The following TOPAZ1 variants were observed in gnomAD, a reference collection of about 807,000 sequenced individuals.
TOPAZ1 encodes the protein testis and ovary specific TOPAZ 1, also known as protein TOPAZ1.
In TOPAZ1, 66 loss-of-function variants were observed where a neutral mutation model predicts 172.2. The ratio of observed to expected loss-of-function variants is 0.38; its 90% CI spans 0.31 to 0.47. The LOEUF is 0.47. Ranked by LOEUF, TOPAZ1 falls within the 20% of genes least tolerant of loss-of-function variation. The pLI is 0.99. For synonymous variants in TOPAZ1, 681 were observed against 683.9 expected, an observed-to-expected ratio of 1.00 and a Z score of 0.07; for missense variants, 1,822 against 1,972.4, an observed-to-expected ratio of 0.92 and a Z score of 1.44.
chr3:44,248,568 C>T (rs1370408421), intron 2 of TOPAZ1, among the ~76,000 whole-genome samples: 3 of 152,118 alleles, frequency 2.0e-5, no homozygotes, highest in Non-Finnish European at 4.4e-5. Flanking sequence ...ACCTGATAAC[C>T]AGAGAATCTA....
intron 12 of TOPAZ1, among the ~76,000 whole-genome samples, chr3:44,298,891 T>TTTTATATATA (rs1553650038): frequency 5.8e-5 from 1 of 17,120 alleles, no homozygotes. Context: ...TGTATATATA[T>TTTTATATATA]TATATATATA....
chr3:44,280,090 T>C (rs1700006045), intron 8 of TOPAZ1, among the ~76,000 whole-genome samples: 1 of 152,130 alleles, frequency 6.6e-6, no homozygotes, highest in African/African-American at 2.4e-5. Flanking sequence ...CTTTTGCTTG[T>C]CTGGGAAAGA....
chr3:44,336,161 T>A (rs781599704), downstream of TOPAZ1, among the ~76,000 whole-genome samples: 4 of 152,230 alleles, frequency 2.6e-5, no homozygotes, highest in Non-Finnish European at 5.9e-5. Context: ...TGAAGTAGAT[T>A]GCTATCTGGG....
intron 4 of TOPAZ1, among the ~76,000 whole-genome samples, chr3:44,257,203 C>T (rs1228169312): frequency 6.6e-6 from 1 of 151,590 alleles, no homozygotes; most frequent in Non-Finnish European, 1.5e-5. Context: ...GGCGTGCTGG[C>T]ATCCACCTGT....
intron 19 of TOPAZ1, among the ~76,000 whole-genome samples, chr3:44,331,586 CA>C (rs1700670060): frequency 1.3e-5 from 2 of 152,262 alleles, no homozygotes; most frequent in East Asian, 3.9e-4. Context: ...CCTGAGCGTC[CA>C]AAGCGCTGGG....
chr3:44,307,076 G>A (rs1700344785), intron 15 of TOPAZ1, among the ~76,000 whole-genome samples: 1 of 152,130 alleles, frequency 6.6e-6, no homozygotes, highest in East Asian at 1.9e-4. Flanking sequence ...AGGCTGGAGT[G>A]CAATACTGCA....
At chr3:44,320,571 C>T (rs1259925940) in intron 16 of TOPAZ1, among the ~76,000 whole-genome samples, 1 of 152,056 alleles carries the variant, frequency 6.6e-6, no homozygotes, top group African/African-American at 2.4e-5. Flanking sequence ...GCACTGCACT[C>T]CAGCCTGGGT....
chr3:44,294,011 C>T (rs1455393743), intron 12 of TOPAZ1, among the ~76,000 whole-genome samples: 1 of 152,172 alleles, frequency 6.6e-6, no homozygotes. Flanking sequence ...GAGGCTGAGG[C>T]AGGTGGATCA....
At chr3:44,328,159 TGTAA>T (rs1417389166) in intron 18 of TOPAZ1, 87 bp from the exon 19 acceptor site, 1 of 710,128 alleles carries the variant, frequency 1.4e-6, no homozygotes, top group Non-Finnish European at 2.2e-6. Flanking sequence ...ACTTATTCTG[TGTAA>T]GTAATTATCG....
chr3:44,245,887 G>C (rs1699559603), intron 2 of TOPAZ1, among the ~76,000 whole-genome samples: 1 of 152,112 alleles, frequency 6.6e-6, no homozygotes, highest in Non-Finnish European at 1.5e-5. Flanking sequence ...CAAAAGTTAA[G>C]TTTATTTTCA....
chr3:44,244,551 G>T lies in TOPAZ1; in HGVS notation c.2045G>T (p.Gly682Val), dbSNP rs1226850089. ...VPDLVKILNT[G>V]RLTNFKIPLL... ...GACTTGGTTAAAATATTGAACACAG[G>T]ACGGCTGACTAATTTTAAAATTCCT... The change falls in exon 2 of 20, where the codon GGA becomes GTA. Residue 682 changes from glycine (G) to valine (V), a missense_variant. Transcript: ENST00000309765. 1.3e-6 allele frequency: 2 copies of T among 1,550,130 alleles called. No individual in the cohort carries two copies. Among genetic ancestry groups the T allele is most frequent in the Admixed American group, 3.9e-5 (2 of 50,732 alleles).
chr3:44,322,522 T>TAATGGTTTTTCTTTTGTCA (rs1461999956), intron 17 of TOPAZ1, among the ~76,000 whole-genome samples: 10 of 152,238 alleles, frequency 6.6e-5, no homozygotes, highest in Non-Finnish European at 1.2e-4. Flanking sequence ...CAAAGGAAGT[T>TAATGGTTTTTCTTTTGTCA]AATGGTTTTT....
intron 15 of TOPAZ1, among the ~76,000 whole-genome samples, chr3:44,307,739 T>C (rs1700351500): frequency 6.6e-6 from 1 of 152,206 alleles, no homozygotes; most frequent in Non-Finnish European, 1.5e-5. Context: ...GTCACCTGTA[T>C]ACCTACAAAA....
In TOPAZ1 at chr3:44,245,275, T is replaced by G; in HGVS notation, c.2765+4T>G. 6.6e-7 allele frequency: 1 copy of G among 1,520,736 alleles called. No homozygotes were observed. Among genetic ancestry groups the G allele is most frequent in the Non-Finnish European group, 8.8e-7 (1 of 1,135,120 alleles). 94.2% of individuals were successfully genotyped at this position (1,520,736 alleles called of 1,614,324 possible). ...AAGAACCAAGTGATGACTTAAGGTA[T>G]GCATGTTCAAGTATTCCTTTTAGTG... On this transcript the variant is annotated splice_donor_region_variant and intron_variant, in intron 2 of 19. Transcript: ENST00000309765.
intron 8 of TOPAZ1, among the ~76,000 whole-genome samples, chr3:44,276,071 T>G (rs1301176491): frequency 6.6e-6 from 1 of 152,212 alleles, no homozygotes; most frequent in East Asian, 1.9e-4. Context: ...GCTGTTGAAT[T>G]GTTTGAGTTC....
chr3:44,321,266 C>T, intron 17 of TOPAZ1, 75 bp downstream of exon 17: 1 of 1,063,776 alleles, frequency 9.4e-7, no homozygotes, highest in Non-Finnish European at 1.3e-6. Context: ...AATAGTTATC[C>T]ACCTGTTTTG....
intron 8 of TOPAZ1, among the ~76,000 whole-genome samples, chr3:44,274,320 G>C (rs1559533571): frequency 6.6e-6 from 1 of 151,370 alleles, no homozygotes; most frequent in Non-Finnish European, 1.5e-5. Context: ...AGTATCACTT[G>C]AACCCAGGAG....
In TOPAZ1 at chr3:44,244,939, T is replaced by A. The variant is rs545097523; in HGVS notation, c.2433T>A (p.Asp811Glu). The change falls in exon 2 of 20, where the codon GAT becomes GAA. Residue 811 changes from aspartate (D) to glutamate (E), a missense_variant. This residue lies in a region of TOPAZ1 where 1,489 missense variants were observed against 1,490.8 expected (regional missense o/e 1.00). Transcript: ENST00000309765. ...LTVENNAFSCDPGYVEKSPSF... is the reference protein window; with the variant it reads ...LTVENNAFSCEPGYVEKSPSF... ...TTGAAAATAATGCTTTTTCTTGTGA[T>A]CCTGGGTATGTAGAGAAAAGTCCTT... The A allele has an allele frequency of 5.5e-5, 86 of 1,551,756 alleles. No individual in the cohort carries two copies. In the South Asian group the frequency reaches 9.9e-4, roughly 18 times the overall value.
At chr3:44,282,184 A>T (rs963275192) in intron 9 of TOPAZ1, among the ~76,000 whole-genome samples, 153 bp downstream of exon 9, 4 of 152,208 alleles carry the variant, frequency 2.6e-5, no homozygotes, top group Non-Finnish European at 4.4e-5. Context: ...TAAATGAGAT[A>T]TTTTGGTTAA....
Sources: gnomAD v4.1 joint callset for allele counts (sites outside exome capture counted in the v4.1 genomes callset) on GRCh38, gnomAD v4.1.1 for gene constraint, gnomAD v4.1.1 regional missense constraint, MANE v1.5 for transcripts, NCBI Gene and HGNC (gene_info 2026-07-23, HGNC 2026-07-21) for gene names.